The following SLFN12L variants were observed in gnomAD, a reference collection of about 807,000 sequenced individuals.
The protein encoded by SLFN12L is schlafen family member 12 like.
A neutral mutation model predicts 34.8 loss-of-function variants in SLFN12L; 34 were observed. The ratio of observed to expected loss-of-function variants is 0.98; its 90% CI spans 0.74 to 1.30. The LOEUF (loss-of-function observed/expected upper bound fraction) is 1.30. SLFN12L is among the 50% of genes most tolerant of loss of function. SLFN12L has a pLI of 0.00. For synonymous variants in SLFN12L, 259 were observed against 247.5 expected (o/e 1.05, Z -0.44); for missense variants, 703 against 696.2 (o/e 1.01, Z -0.11).
intron 2 of SLFN12L, among the ~76,000 whole-genome samples, chr17:35,519,781 G>T (rs1354352980): frequency 6.6e-6 from 1 of 152,182 alleles, no homozygotes; most frequent in Admixed American, 6.5e-5. Flanking sequence ...CATCCCTGTG[G>T]TCTTCCTCTT....
At chr17:35,535,494 T>A (rs975582460) in intron 1 of SLFN12L, among the ~76,000 whole-genome samples, 6 of 150,016 alleles carry the variant, frequency 4.0e-5, no homozygotes, top group South Asian at 2.1e-4. Flanking sequence ...CAGCCTTTTT[T>A]TTTTTTTAAA....
intron 2 of SLFN12L, among the ~76,000 whole-genome samples, chr17:35,521,213 T>C (rs1398337664): frequency 1.3e-5 from 2 of 152,050 alleles, no homozygotes; most frequent in Non-Finnish European, 2.9e-5. Context: ...ACATAACTAC[T>C]AAATGTCATA....
chr17:35,506,235 T>C (rs752351905), intron 2 of SLFN12L, among the ~76,000 whole-genome samples: 5 of 152,200 alleles, frequency 3.3e-5, no homozygotes, highest in Non-Finnish European at 7.3e-5. Flanking sequence ...TGTGCTGTCA[T>C]TAATAGTAAT....
intron 2 of SLFN12L, among the ~76,000 whole-genome samples, chr17:35,492,817 G>A (rs1321190248): frequency 1.3e-5 from 2 of 152,168 alleles, no homozygotes; most frequent in African/African-American, 2.4e-5. Context: ...GGATGCTAAG[G>A]ACTGTGGGAA....
At position 35,475,432 on chromosome 17, in the gene SLFN12L, A is replaced by T. The variant is rs1913954775; in HGVS notation, c.1330T>A (p.Ser444Thr). ...APKTFCRNLF[S>T]QHEGLKQLIC... ...AATTGCTTAAGTCCTTCATGTTGTG[A>T]GAACAGATTTCTGCAGAAGGTTTTT... The change falls in exon 5 of 5, where the codon TCA (serine) becomes ACA (threonine). Residue 444 changes from serine to threonine, a missense_variant. By Grantham distance (58) the Ser-to-Thr change is moderately conservative. Coordinates refer to ENST00000628453, the MANE Select transcript of SLFN12L (RefSeq NM_001363830.2). 6.2e-7 allele frequency: 1 copy of T among 1,613,686 alleles called. No individual in the cohort carries two copies. Among genetic ancestry groups the T allele is most frequent in the African/African-American group, 1.3e-5 (1 of 75,010 alleles).
chr17:35,520,223 T>A (rs1470875116), intron 2 of SLFN12L, among the ~76,000 whole-genome samples: 1 of 152,204 alleles, frequency 6.6e-6, no homozygotes, highest in Non-Finnish European at 1.5e-5. Flanking sequence ...ATGAACCAAC[T>A]GACCACCTGC....
chr17:35,492,329 G>A (rs368461174), intron 2 of SLFN12L, among the ~76,000 whole-genome samples: 2 of 152,178 alleles, frequency 1.3e-5, no homozygotes, highest in Admixed American at 6.5e-5. Context: ...ACCAGGTTGG[G>A]TGACTTAGCC....
rs554756094 is a variant in SLFN12L, at chr17:35,472,057, T to C, written c.*2866A>G. Among the ~76,000 whole-genome samples, 40 of 152,234 alleles carry C rather than the reference T, an allele frequency of 2.6e-4. No homozygotes were observed. The highest frequency in any genetic ancestry group is 5.1e-4 in the Non-Finnish European group (35 of 68,044). On this transcript the variant is annotated 3_prime_UTR_variant, in exon 5 of 5. Coordinates refer to ENST00000628453, the MANE Select transcript of SLFN12L (RefSeq NM_001363830.2). ...TTTCTTTCCCTGTACAGAAGCTCTT[T>C]AGTTTAATTAGATCCCGTTTGTCAA...
rs1341605143 is a variant in SLFN12L at position 35,472,096 on chromosome 17, T to G, written c.*2827A>C. On this transcript the variant is annotated 3_prime_UTR_variant, in exon 5 of 5. Transcript: ENST00000628453. ...CCCGTTTGTCAACTTTGGCTTTCGT[T>G]GCAATTGCTTTTGGTGTTTTTGTCA... is the stretch of plus-strand genomic sequence containing the variant. Among the ~76,000 whole-genome samples the G allele has an allele frequency of 1.3e-5, 2 of 152,252 alleles. No individual in the cohort carries two copies. The highest frequency in any genetic ancestry group is 2.9e-5 in the Non-Finnish European group (2 of 68,040).
Position 35,472,602 on chromosome 17 carries a change from TCTTAGCTATA to T in SLFN12L, c.*2311_*2320del, listed in dbSNP as rs1490968305. 2.6e-5 allele frequency among the ~76,000 whole-genome samples: 4 copies of T among 152,156 alleles called. No homozygotes were observed. The highest frequency in any genetic ancestry group is 9.6e-5 in the African/African-American group (4 of 41,460). On this transcript the variant is annotated 3_prime_UTR_variant, in exon 5 of 5. Coordinates refer to ENST00000628453, the MANE Select transcript of SLFN12L (RefSeq NM_001363830.2). ...GCTTTGTTCTTTTTGTTTAGGATTATCTTAGCTATACAAGGTCTTCTTTGATTCCATATGA... is the reference window on the plus strand; with the variant it reads ...GCTTTGTTCTTTTTGTTTAGGATTATCAAGGTCTTCTTTGATTCCATATGA...
At chr17:35,510,516 G>T (rs540592438) in intron 2 of SLFN12L, among the ~76,000 whole-genome samples, 9 of 152,314 alleles carry the variant, frequency 5.9e-5, no homozygotes, top group Middle Eastern at 6.8e-3. Flanking sequence ...GTCACACGCT[G>T]TTATTCCTAT....
At chr17:35,507,922 A>G (rs1788178507) in intron 2 of SLFN12L, among the ~76,000 whole-genome samples, 1 of 152,158 alleles carries the variant, frequency 6.6e-6, no homozygotes, top group African/African-American at 2.4e-5. Flanking sequence ...GGAGGAGACC[A>G]CCCCTCATAT....
chr17:35,533,794 A>T (rs1189209076), intron 1 of SLFN12L, among the ~76,000 whole-genome samples: 1 of 152,104 alleles, frequency 6.6e-6, no homozygotes, highest in Non-Finnish European at 1.5e-5. Context: ...GAGTAATGGG[A>T]AGCTGGCCAG....
chr17:35,511,565 G>A (rs922985590), intron 2 of SLFN12L, among the ~76,000 whole-genome samples: 6 of 126,326 alleles, frequency 4.7e-5, no homozygotes, highest in East Asian at 2.3e-4. Context: ...GTGAGACCTC[G>A]TCTCTACACA....
At chr17:35,511,668 G>T (rs1210347003) in intron 2 of SLFN12L, among the ~76,000 whole-genome samples, 1 of 152,070 alleles carries the variant, frequency 6.6e-6, no homozygotes, top group Non-Finnish European at 1.5e-5. Flanking sequence ...AGGATCCCTT[G>T]AGCCCAAGTA....
At chr17:35,478,737 GA>G in intron 3 of SLFN12L, among the ~76,000 whole-genome samples, 1 of 152,174 alleles carries the variant, frequency 6.6e-6, no homozygotes, top group Non-Finnish European at 1.5e-5. Context: ...AGTGGGTAAA[GA>G]AAGATGAAAG....
intron 2 of SLFN12L, chr17:35,487,661 TC>T: frequency 6.7e-7 from 1 of 1,491,846 alleles, no homozygotes; most frequent in Non-Finnish European, 9.0e-7. Context: ...AGTTCTCGTT[TC>T]GTCTGTACCT....
At chr17:35,536,927 G>T (rs981129812) in intron 1 of SLFN12L, among the ~76,000 whole-genome samples, 1 of 151,950 alleles carries the variant, frequency 6.6e-6, no homozygotes. Context: ...TATAATCCCA[G>T]CACATTGGGA....
In SLFN12L at chr17:35,465,863, A is replaced by G. The variant is rs997031828; in HGVS notation, c.*9060T>C. Among the ~76,000 whole-genome samples, 3 of 151,546 alleles carry G rather than the reference A, an allele frequency of 2.0e-5. 1 individual carries two copies. In the South Asian group the frequency reaches 6.3e-4, roughly 32 times the overall value. On this transcript the variant is annotated 3_prime_UTR_variant, in exon 5 of 5. Coordinates refer to ENST00000628453, the MANE Select transcript of SLFN12L (RefSeq NM_001363830.2). ...GTTCAATATGTTCAATTCCGTGCCT[A>G]TTTCAACAGACTCCACTGTAGTTTG... is the stretch of plus-strand genomic sequence containing the variant.
Sources: gnomAD v4.1 joint callset for allele counts (sites outside exome capture counted in the v4.1 genomes callset) on GRCh38, gnomAD v4.1.1 for gene constraint, MANE v1.5 for transcripts, NCBI Gene and HGNC (gene_info 2026-07-23, HGNC 2026-07-21) for gene names.